The following SPATA13 variants were observed in gnomAD, a reference collection of about 807,000 sequenced individuals.
SPATA13 encodes the protein spermatogenesis-associated protein 13.
Under a neutral mutation model 104.0 loss-of-function variants are expected in SPATA13, and 50 were observed. That is an observed-to-expected ratio of 0.48 (90% CI 0.38 to 0.61). The LOEUF (loss-of-function observed/expected upper bound fraction) is 0.61, where lower values mean the gene tolerates loss of function less well. Among genes scored for constraint, SPATA13 ranks in the 20% least tolerant of loss-of-function variants. The pLI is 0.00. For synonymous variants in SPATA13, 606 were observed against 667.5 expected, an observed-to-expected ratio of 0.91 and a Z score of 1.42; for missense variants, 1,524 against 1,690.6, an observed-to-expected ratio of 0.90 and a Z score of 1.73.
intron 2 of SPATA13, among the ~76,000 whole-genome samples, chr13:24,239,661 C>T (rs1206819920): frequency 7.5e-6 from 1 of 133,064 alleles, no homozygotes; most frequent in Non-Finnish European, 1.5e-5. Context: ...CGTCACTGCA[C>T]TCCAGCCTGG....
At position 23,983,505 on chromosome 13, in the gene SPATA13, A is replaced by T. The variant is rs147926613; in HGVS notation, c.-353-222A>T. ...AGCAGAGAATTTTTAAAAAGTGGACACTGATCTGTGACTTTGAAGACAAAA... is the reference window on the plus strand; with the variant it reads ...AGCAGAGAATTTTTAAAAAGTGGACTCTGATCTGTGACTTTGAAGACAAAA... On this transcript the variant is annotated intron_variant, in intron 1 of 14. Transcript: ENST00000424834. 6.0e-3 allele frequency among the ~76,000 whole-genome samples: 919 copies of T among 152,324 alleles called. 13 individuals are homozygous for T. Among genetic ancestry groups the T allele is most frequent in the African/African-American group, 0.02 (827 of 41,568 alleles).
chr13:24,138,319 A>AAAC (rs1555263891), intron 3 of SPATA13, among the ~76,000 whole-genome samples: 95 of 150,144 alleles, frequency 6.3e-4, no homozygotes, highest in African/African-American at 7.3e-4. Flanking sequence ...AAAAAAAAAA[A>AAAC]AACAGTTTTA....
intron 3 of SPATA13, among the ~76,000 whole-genome samples, chr13:24,075,436 T>C (rs1879293456): frequency 6.6e-6 from 1 of 152,142 alleles, no homozygotes; most frequent in Non-Finnish European, 1.5e-5. Flanking sequence ...AAAACAAATG[T>C]TAATAAAGGG....
intron 2 of SPATA13, among the ~76,000 whole-genome samples, chr13:24,005,789 A>G (rs1265151109): frequency 2.0e-5 from 3 of 152,258 alleles, no homozygotes; most frequent in African/African-American, 7.2e-5. Context: ...TCTGAGGCTC[A>G]GCAAGATGCA....
At chr13:24,013,627 G>A (rs1876576785) in intron 2 of SPATA13, among the ~76,000 whole-genome samples, 1 of 151,688 alleles carries the variant, frequency 6.6e-6, no homozygotes, top group African/African-American at 2.4e-5. Context: ...AAAATGTTTT[G>A]AAAGAGTAAC....
intron 9 of SPATA13, among the ~76,000 whole-genome samples, chr13:24,294,223 G>A (rs557510699): frequency 1.6e-4 from 24 of 152,304 alleles, no homozygotes; most frequent in African/African-American, 5.5e-4. Context: ...TTGGTGAGGC[G>A]AATGCCATAC....
chr13:24,035,785 G>A (rs1363746031), intron 3 of SPATA13, among the ~76,000 whole-genome samples: 3 of 152,098 alleles, frequency 2.0e-5, no homozygotes, highest in East Asian at 1.9e-4. Flanking sequence ...AGGCCAAGGC[G>A]GGTGGATCAC....
chr13:24,039,722 CCCAAT>C, intron 3 of SPATA13, among the ~76,000 whole-genome samples: 1 of 152,130 alleles, frequency 6.6e-6, no homozygotes, highest in Non-Finnish European at 1.5e-5. Context: ...CATTTGTTCT[CCCAAT>C]CCTGCATGTG....
In SPATA13 at chr13:24,289,192, T is replaced by C. The variant is rs745329964; in HGVS notation, c.2847+14T>C. The C allele has an allele frequency of 3.1e-6, 5 of 1,594,146 alleles. No homozygotes were observed. The highest frequency in any genetic ancestry group is 1.7e-4 in the Middle Eastern group (1 of 5,998). On this transcript the variant is annotated intron_variant, in intron 8 of 12. Transcript: ENST00000382108. The stretch of plus-strand genomic sequence containing the variant: ...TTTCTTCAAAATGTGCGTCACCCTT[T>C]ACTTCATTATTAATAACATCTGCTT...
At position 24,098,925 on chromosome 13, in the gene SPATA13, C is replaced by CAA. The variant is rs61641076; in HGVS notation, c.-112+81240_-112+81241dup. 7.3e-3 allele frequency among the ~76,000 whole-genome samples: 580 copies of CAA among 79,402 alleles called. 9 individuals are homozygous for CAA. Among genetic ancestry groups the CAA allele is most frequent in the African/African-American group, 0.021 (518 of 24,840 alleles). 52.1% of individuals were successfully genotyped at this position (79,402 alleles called of 152,430 possible). On this transcript the variant is annotated intron_variant, in intron 3 of 14. Transcript: ENST00000424834. Reference sequence around the variant, plus strand: ...CTGGCAACAGAGCGAGACTCCATCTCAAAAAAAAAAAAAAAAAGAAAAAAG... The same window carrying CAA: ...CTGGCAACAGAGCGAGACTCCATCTCAAAAAAAAAAAAAAAAAAAGAAAAAAG...
intron 3 of SPATA13, among the ~76,000 whole-genome samples, chr13:24,064,474 T>C (rs780230596): frequency 2.4e-4 from 37 of 152,020 alleles, no homozygotes; most frequent in Non-Finnish European, 5.0e-4. Flanking sequence ...TGGGAGGTCA[T>C]TGGGTCATGA....
At chr13:24,095,340 C>G (rs1880037859) in intron 3 of SPATA13, among the ~76,000 whole-genome samples, 3 of 152,122 alleles carry the variant, frequency 2.0e-5, no homozygotes, top group African/African-American at 7.2e-5. Context: ...TATGATTCCA[C>G]TTATATGAAG....
In SPATA13 at chr13:24,223,266, T is replaced by A; in HGVS notation, c.337T>A (p.Ser113Thr). 1.3e-6 allele frequency: 2 copies of A among 1,551,642 alleles called. No individual in the cohort carries two copies. Among genetic ancestry groups the A allele is most frequent in the Non-Finnish European group, 1.7e-6 (2 of 1,146,976 alleles). Residue 113 changes from serine (S) to threonine (T), a missense_variant, in exon 2 of 13, where the codon TCC becomes ACC. Ser to Thr is a moderately conservative substitution (Grantham distance 58). Around this residue, in one of 2 missense-constraint regions of SPATA13, gnomAD observed 1,089 missense variants for 1,135.9 expected, o/e 0.96. Coordinates refer to ENST00000382108, the MANE Select transcript of SPATA13 (RefSeq NM_001166271.3). The stretch of plus-strand genomic sequence containing the variant: ...CCTCGCCTCCTTCCGGAAAATGGGA[T>A]CCTTTAAGAAACTGAAGTCCTCAGT... ...NTLASFRKMG[S>T]FKKLKSSVLK... is the part of the protein sequence containing the mutation.
intron 2 of SPATA13, among the ~76,000 whole-genome samples, chr13:24,242,722 A>C (rs571235849): frequency 3.3e-5 from 5 of 152,320 alleles, no homozygotes; most frequent in African/African-American, 1.2e-4. Flanking sequence ...ACCCCCTCCC[A>C]CAAGAAAAAA....
At chr13:23,993,819 G>A in intron 2 of SPATA13, among the ~76,000 whole-genome samples, 1 of 152,160 alleles carries the variant, frequency 6.6e-6, no homozygotes, top group Non-Finnish European at 1.5e-5. Context: ...CAGTATTTAT[G>A]CAGGCTGAGG....
In SPATA13 at chr13:24,297,565, G is replaced by A. The variant is rs145192781; in HGVS notation, c.3413G>A (p.Gly1138Glu). Residue 1138 changes from glycine (G) to glutamate (E), a missense_variant, in exon 11 of 13, where the codon GGG becomes GAG. Gly to Glu is a moderately conservative substitution (Grantham distance 98). Around this residue, in one of 2 missense-constraint regions of SPATA13, gnomAD observed 435 missense variants for 554.8 expected, o/e 0.78. Coordinates refer to ENST00000382108, the MANE Select transcript of SPATA13 (RefSeq NM_001166271.3). ...DMDEMELVDL[G>E]DGRDKDCNLS... ...GATGAGATGGAGCTTGTGGACCTGG[G>A]GGATGGGCGCGACAAGGACTGCAAC... is the stretch of plus-strand genomic sequence containing the variant. 1 of 1,614,236 alleles carries A rather than the reference G, an allele frequency of 6.2e-7. No individual in the cohort carries two copies. Among genetic ancestry groups the A allele is most frequent in the South Asian group, 1.1e-5 (1 of 91,088 alleles).
intron 3 of SPATA13, among the ~76,000 whole-genome samples, chr13:24,052,489 A>G (rs1043037971): frequency 2.0e-4 from 17 of 84,754 alleles, no homozygotes; most frequent in Admixed American, 9.6e-4. Flanking sequence ...AAAGAAATAT[A>G]TGTTTTTTTT....
chr13:24,266,997 G>A (rs181957737), intron 4 of SPATA13, among the ~76,000 whole-genome samples: 8 of 151,832 alleles, frequency 5.3e-5, no homozygotes, highest in Non-Finnish European at 1.0e-4. Flanking sequence ...TTAGGTTTTC[G>A]TTGTAGGATT....
rs371998266 is a variant in SPATA13 at position 24,026,568 on chromosome 13, ATTTG to A, written c.-112+8871_-112+8874del. 1.9e-4 allele frequency among the ~76,000 whole-genome samples: 29 copies of A among 152,072 alleles called. No homozygotes were observed. In the East Asian group the frequency reaches 2.3e-3, roughly 12 times the overall value. ...ATTGGATACAAACTGCTGTTTATTT[ATTTG>A]TTTATTTTTTATTTTTATTTTTTGA... is the stretch of plus-strand genomic sequence containing the variant. On this transcript the variant is annotated intron_variant, in intron 3 of 14. Transcript: ENST00000424834.
Sources: gnomAD v4.1 joint callset for allele counts (sites outside exome capture counted in the v4.1 genomes callset) on GRCh38, gnomAD v4.1.1 for gene constraint, gnomAD v4.1.1 regional missense constraint, MANE v1.5 for transcripts, NCBI Gene and HGNC (gene_info 2026-07-23, HGNC 2026-07-21) for gene names.